DNAAF9: variants seen among roughly 807,000 people sequenced by gnomAD.
DNAAF9 encodes shulin.
A neutral mutation model predicts 167.0 loss-of-function variants in DNAAF9; 90 were observed. That is an observed-to-expected ratio of 0.54 (90% CI 0.45 to 0.64). The LOEUF (loss-of-function observed/expected upper bound fraction) is 0.64, where lower values mean the gene tolerates loss of function less well. DNAAF9 is among the 30% of genes least tolerant of loss of function. The pLI is 0.00. For missense variants in DNAAF9, 1,315 were observed against 1,442.2 expected, an observed-to-expected ratio of 0.91 and a Z score of 1.43; for synonymous variants, 491 against 508.8, an observed-to-expected ratio of 0.96 and a Z score of 0.47.
At chr20:3,255,973 C>G in intron 34 of DNAAF9, 33 bp downstream of exon 34, 1 of 1,551,288 alleles carries the variant, frequency 6.4e-7, no homozygotes. Flanking sequence ...CTGGTCACAT[C>G]TGTGTCAGGT....
intron 1 of DNAAF9, among the ~76,000 whole-genome samples, chr20:3,387,866 C>T (rs1013541494): frequency 9.3e-5 from 12 of 128,638 alleles, no homozygotes; most frequent in African/African-American, 3.7e-4. Context: ...CACAGGGAGA[C>T]CCTGTCTCTA....
intron 26 of DNAAF9, among the ~76,000 whole-genome samples, chr20:3,288,949 G>T (rs2068901364): frequency 6.6e-6 from 1 of 151,932 alleles, no homozygotes; most frequent in East Asian, 1.9e-4. Context: ...TGCTTGACCT[G>T]CTGCTACAAT....
At chr20:3,268,896 A>ATTTTTTT (rs1649924645) in intron 30 of DNAAF9, among the ~76,000 whole-genome samples, 3 of 80,840 alleles carry the variant, frequency 3.7e-5, no homozygotes, top group African/African-American at 9.4e-5. Flanking sequence ...TCTCTATGTT[A>ATTTTTTT]CTTTTTTTTT....
At position 3,304,522 on chromosome 20, in the gene DNAAF9, C is replaced by T. The variant is rs151057989; in HGVS notation, c.1700G>A (p.Ser567Asn). Residue 567 changes from serine (S) to asparagine (N), a missense_variant, in exon 21 of 37, where the codon AGT becomes AAT. Ser to Asn is a conservative substitution (Grantham distance 46). Transcript: ENST00000252032. ...PEEGNVHFFS[S>N]GLLFSHCRHR... The stretch of plus-strand genomic sequence containing the variant: ...ACGACAGTGAGAAAACAGAAGGCCA[C>T]TAGAGAAGAAATGAACATTCCCTGG... 3.7e-5 allele frequency: 56 copies of T among 1,499,846 alleles called. 1 individual carries two copies. The African/African-American group carries it at 5.9e-4, about 16-fold the overall frequency. 92.9% of individuals were successfully genotyped at this position (1,499,846 alleles called of 1,614,324 possible).
Position 3,407,620 on chromosome 20 carries a change from G to C in DNAAF9, c.-63C>G. The C allele has an allele frequency of 8.4e-7, 1 of 1,197,400 alleles. No homozygotes were observed. Among genetic ancestry groups the C allele is most frequent in the Non-Finnish European group, 1.0e-6 (1 of 965,762 alleles). 74.2% of individuals were successfully genotyped at this position (1,197,400 alleles called of 1,614,324 possible). ...CTGCGAGGGTCTCAGTTGCCCGCAGGGCGGCTCCACGCTAGCTGCGGCCGG... is the reference window on the plus strand; with the variant it reads ...CTGCGAGGGTCTCAGTTGCCCGCAGCGCGGCTCCACGCTAGCTGCGGCCGG... On this transcript the variant is annotated 5_prime_UTR_variant, in exon 1 of 37. Transcript: ENST00000252032.
intron 7 of DNAAF9, among the ~76,000 whole-genome samples, chr20:3,357,541 T>G (rs935620609): frequency 2.0e-5 from 3 of 152,184 alleles, no homozygotes; most frequent in African/African-American, 7.2e-5. Flanking sequence ...GTAAAAACTT[T>G]AATGCTCAAT....
Position 3,314,943 on chromosome 20 carries a change from A to T in DNAAF9, c.1678+90T>A, listed in dbSNP as rs1303292814. 60 of 741,996 alleles carry T rather than the reference A, an allele frequency of 8.1e-5. No individual in the cohort carries two copies. The East Asian group carries it at 1.5e-3, about 18-fold the overall frequency. 46.0% of individuals were successfully genotyped at this position (741,996 alleles called of 1,614,324 possible). On this transcript the variant is annotated intron_variant, in intron 20 of 36. Coordinates refer to ENST00000252032, the MANE Select transcript of DNAAF9 (RefSeq NM_001009984.3). Reference sequence around the variant, plus strand: ...CTGTACCACAATTGTGTTCAAATAGAAGATGTATTATTAATTACAACACCC... The same window carrying T: ...CTGTACCACAATTGTGTTCAAATAGTAGATGTATTATTAATTACAACACCC...
intron 25 of DNAAF9, among the ~76,000 whole-genome samples, chr20:3,290,521 T>C (rs1168518222): frequency 2.6e-5 from 4 of 152,196 alleles, no homozygotes; most frequent in Non-Finnish European, 5.9e-5. Context: ...ATATTGTGAA[T>C]AGATTAGTTA....
rs2068170067 is a variant in DNAAF9 at position 3,249,650 on chromosome 20, G to C, written c.*2922C>G. ...ACATCCTGGGACAATGAGGAAGCCAGTTCTCACCTACTTTTTTGAGGTACA... is the reference window on the plus strand; with the variant it reads ...ACATCCTGGGACAATGAGGAAGCCACTTCTCACCTACTTTTTTGAGGTACA... On this transcript the variant is annotated 3_prime_UTR_variant, in exon 37 of 37. Coordinates refer to ENST00000252032, the MANE Select transcript of DNAAF9 (RefSeq NM_001009984.3). 1 of 152,206 alleles carries C rather than the reference G, an allele frequency of 6.6e-6. No individual in the cohort carries two copies. 9.4% of individuals were successfully genotyped at this position (152,206 alleles called of 1,614,324 possible). A position where few individuals can be genotyped will look rare whatever the true frequency, so the allele number is the denominator to read the frequency against.
chr20:3,314,014 T>C (rs902961638), intron 20 of DNAAF9, among the ~76,000 whole-genome samples: 2 of 152,230 alleles, frequency 1.3e-5, no homozygotes, highest in Non-Finnish European at 2.9e-5. Flanking sequence ...TTTTACCTTC[T>C]GTTTTTCCTC....
intron 33 of DNAAF9, among the ~76,000 whole-genome samples, chr20:3,259,105 G>A (rs2068333246): frequency 6.6e-6 from 1 of 152,188 alleles, no homozygotes; most frequent in African/African-American, 2.4e-5. Context: ...GTCAGAAATG[G>A]ATCTAGAGCT....
chr20:3,376,436 T>A, intron 3 of DNAAF9, 134 bp from the exon 4 acceptor site: 2 of 746,358 alleles, frequency 2.7e-6, no homozygotes, highest in Non-Finnish European at 4.1e-6. Flanking sequence ...GAAAATTATT[T>A]AATTAAGCAC....
chr20:3,294,246 G>A lies in DNAAF9; in HGVS notation c.2131C>T (p.His711Tyr). Reference protein sequence around the residue: ...KLPELDWFLQHFAISSISQEP... With the variant: ...KLPELDWFLQYFAISSISQEP... ...TGGCTAATGCTGCTGATGGCGAAAT[G>A]CTGGAGAAACCTAAAAACACAAAGA... Residue 711 changes from histidine to tyrosine, a missense_variant, in exon 25 of 37, where the codon CAT becomes TAT. Around this residue, in one of 2 missense-constraint regions of DNAAF9, gnomAD observed 981 missense variants for 1,012.5 expected, o/e 0.97. Transcript: ENST00000252032. 6.2e-7 allele frequency: 1 copy of A among 1,607,410 alleles called. No homozygotes were observed. Among genetic ancestry groups the A allele is most frequent in the Non-Finnish European group, 8.5e-7 (1 of 1,173,940 alleles).
At position 3,374,046 on chromosome 20, in the gene DNAAF9, A is replaced by C; in HGVS notation, c.612+2T>G. 2 of 1,576,138 alleles carry C rather than the reference A, an allele frequency of 1.3e-6. No individual in the cohort carries two copies. Among genetic ancestry groups the C allele is most frequent in the Non-Finnish European group, 1.7e-6 (2 of 1,145,428 alleles). The stretch of plus-strand genomic sequence containing the variant: ...ACTAGGCATACTGCTTTTCATACAT[A>C]CCTCATATTTCATGGTAAAAAATCC... On this transcript the variant is annotated splice_donor_variant, in intron 6 of 36. Coordinates refer to ENST00000252032, the MANE Select transcript of DNAAF9 (RefSeq NM_001009984.3). LOFTEE classifies it high-confidence loss of function.
chr20:3,322,375 T>G, intron 15 of DNAAF9, 113 bp from the exon 16 acceptor site: 1 of 857,874 alleles, frequency 1.2e-6, no homozygotes, highest in Non-Finnish European at 2.0e-6. Flanking sequence ...CGGATTGCTC[T>G]TAGGGCCTTT....
At chr20:3,340,433 T>TCCGGGGGGGCCCCCCCC in intron 10 of DNAAF9, 71 bp downstream of exon 10, 1 of 221,214 alleles carries the variant, frequency 4.5e-6, no homozygotes, top group Non-Finnish European at 9.5e-6. Context: ...TTTGTCTAGC[T>TCCGGGGGGGCCCCCCCC]CCCCCCACCC....
At chr20:3,306,843 C>G in intron 20 of DNAAF9, 2 of 944,460 alleles carry the variant, frequency 2.1e-6, no homozygotes, top group Non-Finnish European at 2.5e-6. Context: ...CTCCTAAAAC[C>G]ACAACCCCAC....
At position 3,330,694 on chromosome 20, in the gene DNAAF9, G is replaced by T; in HGVS notation, c.1064-12C>A. 6.4e-7 allele frequency: 1 copy of T among 1,567,386 alleles called. No homozygotes were observed. The highest frequency in any genetic ancestry group is 8.8e-7 in the Non-Finnish European group (1 of 1,140,492). Reference sequence around the variant, plus strand: ...CTTGCTGTCACCACCTGTGAAAGAGGCCCACTAAGAATGTGACAAGAGCAC... The same window carrying T: ...CTTGCTGTCACCACCTGTGAAAGAGTCCCACTAAGAATGTGACAAGAGCAC... On this transcript the variant is annotated splice_polypyrimidine_tract_variant and intron_variant, in intron 11 of 36. Coordinates refer to ENST00000252032, the MANE Select transcript of DNAAF9 (RefSeq NM_001009984.3).
At chr20:3,356,809 CATGTCATGTTATGACCAATCACCTTCCAT>C (rs1308351954) in intron 7 of DNAAF9, among the ~76,000 whole-genome samples, 1 of 152,042 alleles carries the variant, frequency 6.6e-6, no homozygotes, top group Non-Finnish European at 1.5e-5. Context: ...TCTGGTCAGA[CATGTCATGTTATGACCAATCACCTTCCAT>C]ATGACCAGGG....
Sources: gnomAD v4.1 joint callset for allele counts (sites outside exome capture counted in the v4.1 genomes callset) on GRCh38, gnomAD v4.1.1 for gene constraint, gnomAD v4.1.1 regional missense constraint, MANE v1.5 for transcripts, NCBI Gene and HGNC (gene_info 2026-07-23, HGNC 2026-07-21) for gene names.